Variants in KDM4B observed in about 807,000 individuals in gnomAD.
KDM4B encodes lysine demethylase 4B.
In KDM4B, 32 loss-of-function variants were observed where a neutral mutation model predicts 125.2. The ratio of observed to expected loss-of-function variants is 0.26; its 90% CI spans 0.19 to 0.34. KDM4B has a LOEUF of 0.34. KDM4B is among the 10% of genes least tolerant of loss of function. The pLI is 1.00. For missense variants in KDM4B, 1,190 were observed against 1,577.7 expected, an observed-to-expected ratio of 0.75 and a Z score of 4.16; for synonymous variants, 721 against 677.9, an observed-to-expected ratio of 1.06 and a Z score of -0.99.
Position 5,110,608 on chromosome 19 carries a change from G to A in KDM4B, c.919-14G>A, listed in dbSNP as rs2039122029. 2 of 1,612,702 alleles carry A rather than the reference G, an allele frequency of 1.2e-6. No homozygotes were observed. Among genetic ancestry groups the A allele is most frequent in the Non-Finnish European group, 8.5e-7 (1 of 1,179,792 alleles). The stretch of plus-strand genomic sequence containing the variant: ...GGTGTGGCGCGAGGGCTCAGACCGT[G>A]TCCCCTGCCGCAGTGCACGTGCCGG... On this transcript the variant is annotated splice_polypyrimidine_tract_variant and intron_variant, in intron 9 of 22. Coordinates refer to ENST00000159111, the MANE Select transcript of KDM4B (RefSeq NM_015015.3).
At chr19:5,010,355 AT>A (rs2035689109) in intron 1 of KDM4B, among the ~76,000 whole-genome samples, 1 of 152,172 alleles carries the variant, frequency 6.6e-6, no homozygotes, top group African/African-American at 2.4e-5. Context: ...GATGTGGCTG[AT>A]GCGGCTCAGC....
intron 11 of KDM4B, among the ~76,000 whole-genome samples, chr19:5,124,141 ACAAG>A (rs919970372): frequency 2.6e-5 from 4 of 152,086 alleles, no homozygotes; most frequent in South Asian, 2.1e-4. Context: ...TTATGGGAAA[ACAAG>A]CAGGCAGAGA....
intron 1 of KDM4B, among the ~76,000 whole-genome samples, chr19:5,011,370 C>T (rs911614311): frequency 6.6e-6 from 1 of 152,252 alleles, no homozygotes; most frequent in African/African-American, 2.4e-5. Context: ...ATCCATCTCA[C>T]TGTCTCTTTT....
intron 7 of KDM4B, among the ~76,000 whole-genome samples, chr19:5,073,705 A>G (rs1415206650): frequency 2.6e-5 from 4 of 152,328 alleles, no homozygotes; most frequent in Middle Eastern, 3.4e-3. Flanking sequence ...AGGCCAGGCC[A>G]GGCACCTGGA....
intron 10 of KDM4B, among the ~76,000 whole-genome samples, 178 bp from the exon 11 acceptor site, chr19:5,119,475 C>T (rs1338188251): frequency 6.6e-6 from 1 of 152,212 alleles, no homozygotes; most frequent in Non-Finnish European, 1.5e-5. Context: ...TCCTGCCCCG[C>T]AAGAGCAGAA....
At chr19:5,065,482 G>T (rs2037738986) in intron 6 of KDM4B, among the ~76,000 whole-genome samples, 1 of 152,244 alleles carries the variant, frequency 6.6e-6, no homozygotes, top group Non-Finnish European at 1.5e-5. Flanking sequence ...TTTGTTTGAT[G>T]ATTTAGAGCG....
intron 11 of KDM4B, among the ~76,000 whole-genome samples, chr19:5,124,290 G>C (rs2039412655): frequency 6.7e-6 from 1 of 149,852 alleles, no homozygotes; most frequent in Non-Finnish European, 1.5e-5. Flanking sequence ...ATCCTCCCCA[G>C]GCCGGCGCGG....
chr19:5,088,100 T>A (rs567054292), intron 9 of KDM4B, among the ~76,000 whole-genome samples: 64 of 152,344 alleles, frequency 4.2e-4, no homozygotes, highest in Middle Eastern at 3.4e-3. Flanking sequence ...GTTCACTGCC[T>A]GCCGGAGAGC....
intron 2 of KDM4B, among the ~76,000 whole-genome samples, chr19:5,024,930 A>C (rs1250338437): frequency 6.6e-6 from 1 of 152,246 alleles, no homozygotes; most frequent in Non-Finnish European, 1.5e-5. Context: ...CCTGACTGAC[A>C]AGAGCGAGAC....
chr19:5,052,136 C>T (rs16992773), intron 6 of KDM4B, among the ~76,000 whole-genome samples: 32,188 of 151,938 alleles, frequency 0.21, 4,519 homozygotes, highest in East Asian at 0.65. Flanking sequence ...AGCTGCAAGC[C>T]GAGAATTTTC....
chr19:5,052,221 C>T (rs1040254658), intron 6 of KDM4B, among the ~76,000 whole-genome samples: 3 of 152,142 alleles, frequency 2.0e-5, no homozygotes, highest in African/African-American at 7.2e-5. Flanking sequence ...ATCTTTTCTT[C>T]TTGCTGCCAG....
At chr19:5,151,265 C>T (rs2039942063) in intron 22 of KDM4B, 70 bp from the exon 23 acceptor site, 5 of 1,302,528 alleles carry the variant, frequency 3.8e-6, no homozygotes, top group Non-Finnish European at 5.0e-6. Context: ...TCTCAGAGGC[C>T]ATAGACAGTG....
intron 9 of KDM4B, among the ~76,000 whole-genome samples, chr19:5,094,433 G>C (rs569104211): frequency 1.6e-4 from 24 of 152,348 alleles, no homozygotes; most frequent in East Asian, 5.8e-4. Context: ...CCATGTGCGG[G>C]GGGGAGGCAC....
intron 5 of KDM4B, among the ~76,000 whole-genome samples, chr19:5,043,027 CGTT>C: frequency 1.3e-5 from 2 of 149,540 alleles, no homozygotes; most frequent in East Asian, 2.0e-4. Flanking sequence ...CTTGTGGCGT[CGTT>C]ATCGGTACTC....
chr19:4,993,566 C>T (rs1325431792), intron 1 of KDM4B, among the ~76,000 whole-genome samples: 2 of 151,896 alleles, frequency 1.3e-5, no homozygotes, highest in African/African-American at 4.8e-5. Flanking sequence ...AATGGATTCA[C>T]CTTTTTATCA....
intron 21 of KDM4B, 112 bp from the exon 22 acceptor site, chr19:5,150,246 C>A: frequency 1.4e-6 from 1 of 736,212 alleles, no homozygotes; most frequent in Non-Finnish European, 2.2e-6. Flanking sequence ...TGGCCTCTAG[C>A]GGGCCCCATG....
chr19:5,139,664 G>A (rs1036005137), intron 18 of KDM4B, among the ~76,000 whole-genome samples: 3 of 152,210 alleles, frequency 2.0e-5, no homozygotes, highest in African/African-American at 4.8e-5. Context: ...TTCTCCTGGC[G>A]GTCAGTGACG....
At chr19:5,000,604 A>T (rs1297236560) in intron 1 of KDM4B, among the ~76,000 whole-genome samples, 2 of 152,298 alleles carry the variant, frequency 1.3e-5, no homozygotes, top group African/African-American at 4.8e-5. Flanking sequence ...CATCCTCCAG[A>T]GTAGGAGCCA....
chr19:5,080,050 C>T (rs933884456), intron 8 of KDM4B, among the ~76,000 whole-genome samples: 1 of 151,856 alleles, frequency 6.6e-6, no homozygotes, highest in Non-Finnish European at 1.5e-5. Context: ...CACGTGTGTT[C>T]CCCCCCCACC....
Sources: gnomAD v4.1 joint callset for allele counts (sites outside exome capture counted in the v4.1 genomes callset) on GRCh38, gnomAD v4.1.1 for gene constraint, MANE v1.5 for transcripts, NCBI Gene and HGNC (gene_info 2026-07-23, HGNC 2026-07-21) for gene names.